MTMR3: variants seen among roughly 807,000 people sequenced by gnomAD.
The protein encoded by MTMR3 is myotubularin related protein 3.
In MTMR3, 32 loss-of-function variants were observed where a neutral mutation model predicts 132.4. The observed-to-expected ratio is 0.24, with a 90% CI of 0.18 to 0.32. The LOEUF (loss-of-function observed/expected upper bound fraction) is 0.32. Ranked by LOEUF, MTMR3 falls within the 10% of genes least tolerant of loss-of-function variation. The pLI, the probability that MTMR3 is intolerant of heterozygous loss-of-function variation, is 1.00. For missense variants in MTMR3, 1,216 were observed against 1,489.6 expected (o/e 0.82, Z 3.02); for synonymous variants, 556 against 550.3 (o/e 1.01, Z -0.14).
intron 8 of MTMR3, chr22:30,001,292 G>C (rs2067167442): frequency 6.6e-6 from 1 of 152,376 alleles, no homozygotes; most frequent in Admixed American, 6.5e-5. Context: ...TCAGGAGACT[G>C]AGGCAGGAGA....
intron 10 of MTMR3, 126 bp downstream of exon 10, chr22:30,007,445 A>C (rs2067296272): frequency 4.3e-6 from 4 of 938,956 alleles, no homozygotes; most frequent in Non-Finnish European, 6.4e-6. Flanking sequence ...GCTTCACTTG[A>C]TGGGATTGAT....
At chr22:29,996,067 G>A (rs577420484) in intron 7 of MTMR3, 1 of 152,358 alleles carries the variant, frequency 6.6e-6, no homozygotes, top group African/African-American at 2.4e-5. Flanking sequence ...AAGAGGCTGA[G>A]GTGGGAAGAT....
chr22:29,942,410 G>C (rs2065873806), intron 1 of MTMR3, among the ~76,000 whole-genome samples: 1 of 152,152 alleles, frequency 6.6e-6, no homozygotes, highest in Non-Finnish European at 1.5e-5. Flanking sequence ...CAGGACCGGG[G>C]CAAAATTAAA....
intron 1 of MTMR3, among the ~76,000 whole-genome samples, chr22:29,938,072 A>C (rs2065785092): frequency 6.6e-6 from 1 of 152,194 alleles, no homozygotes; most frequent in African/African-American, 2.4e-5. Flanking sequence ...CCAGCATGGC[A>C]CTGGATTTGA....
At chr22:29,896,047 C>T (rs746678938) in intron 1 of MTMR3, among the ~76,000 whole-genome samples, 4 of 152,176 alleles carry the variant, frequency 2.6e-5, no homozygotes, top group Non-Finnish European at 2.9e-5. Flanking sequence ...TGGTAGCCCA[C>T]GCCTGTATTC....
chr22:30,020,392 A>C lies in MTMR3; in HGVS notation c.2733A>C (p.Thr911=), dbSNP rs1326547398. The C allele has an allele frequency of 3.7e-6, 6 of 1,614,086 alleles. No individual in the cohort carries two copies. Residue 911 remains threonine (T), a synonymous_variant, in exon 17 of 20, where the codon ACA becomes ACC. Transcript: ENST00000401950. ...RTSLGSTLSL[T]RSPCALPLAE... ...CCCTTGGCAGCACTCTCAGCCTGAC[A>C]CGTTCCCCTTGTGCCTTGCCTTTAG... is the stretch of plus-strand genomic sequence containing the variant.
chr22:29,904,820 TTG>T (rs58144404), intron 1 of MTMR3, among the ~76,000 whole-genome samples: 53,410 of 150,636 alleles, frequency 0.35, 10,291 homozygotes, highest in East Asian at 0.71. Context: ...TGTGTGTGTG[TTG>T]TGTGTGTGTG....
chr22:29,955,959 C>A (rs186581552), intron 1 of MTMR3, among the ~76,000 whole-genome samples: 546 of 152,158 alleles, frequency 3.6e-3, no homozygotes, highest in African/African-American at 0.012. Flanking sequence ...GCTGTGTTGG[C>A]CAGGCTGGTC....
At chr22:29,888,398 T>C (rs755803199) in intron 1 of MTMR3, among the ~76,000 whole-genome samples, 1 of 152,098 alleles carries the variant, frequency 6.6e-6, no homozygotes, top group Non-Finnish European at 1.5e-5. Flanking sequence ...TCGTCGTTGT[T>C]TGGGGACATA....
chr22:29,957,464 T>C lies in MTMR3; in HGVS notation c.-85+376T>C, dbSNP rs142576370. On this transcript the variant is annotated intron_variant, in intron 2 of 19. Transcript: ENST00000401950. Reference sequence around the variant, plus strand: ...TTATTTATTTATTTATTTATTGATATATTTTTTGAGACAGTCTTGCTGTGT... The same window carrying C: ...TTATTTATTTATTTATTTATTGATACATTTTTTGAGACAGTCTTGCTGTGT... 1.4e-3 allele frequency among the ~76,000 whole-genome samples: 216 copies of C among 149,950 alleles called. 1 individual carries two copies. Among genetic ancestry groups the C allele is most frequent in the African/African-American group, 5.1e-3 (208 of 40,924 alleles).
chr22:29,980,537 G>T (rs748964507), intron 5 of MTMR3: 3 of 152,236 alleles, frequency 2.0e-5, no homozygotes, highest in Non-Finnish European at 4.4e-5. Context: ...ACCAGCTACT[G>T]TGGAAGTAAT....
chr22:30,026,042 G>T lies in MTMR3; in HGVS notation c.*241G>T. 2 of 437,674 alleles carry T rather than the reference G, an allele frequency of 4.6e-6. No homozygotes were observed. The highest frequency in any genetic ancestry group is 5.2e-5 in the South Asian group (1 of 19,124). The allele number at this position is 437,674 out of a possible 1,614,324, so 27.1% of individuals were successfully genotyped here. On this transcript the variant is annotated 3_prime_UTR_variant, in exon 20 of 20. Transcript: ENST00000401950. ...CAAAAAAGGAAACTTTCCCTTGGTT[G>T]TCTTAATTTTTTTTTTTTTTGATGG... is the stretch of plus-strand genomic sequence containing the variant.
At chr22:29,942,520 G>A (rs1602524931) in intron 1 of MTMR3, among the ~76,000 whole-genome samples, 2 of 152,110 alleles carry the variant, frequency 1.3e-5, no homozygotes, top group African/African-American at 4.8e-5. Context: ...TTTATTAGGC[G>A]GGAATTTCCT....
At chr22:29,939,685 A>T (rs1309181675) in intron 1 of MTMR3, among the ~76,000 whole-genome samples, 1 of 152,190 alleles carries the variant, frequency 6.6e-6, no homozygotes, top group African/African-American at 2.4e-5. Context: ...ATTGGCGTAG[A>T]CTTTCAGATG....
intron 17 of MTMR3, chr22:30,021,441 G>A (rs1281312887): frequency 6.4e-6 from 1 of 155,738 alleles, no homozygotes; most frequent in African/African-American, 2.5e-5. Flanking sequence ...GGCTGGAAAT[G>A]GGGGTTCCAG....
intron 1 of MTMR3, among the ~76,000 whole-genome samples, chr22:29,922,064 T>C (rs2065427617): frequency 6.6e-6 from 1 of 151,720 alleles, no homozygotes; most frequent in Admixed American, 6.6e-5. Flanking sequence ...TTTGCCCTTG[T>C]CACCCAGGCT....
intron 1 of MTMR3, among the ~76,000 whole-genome samples, chr22:29,906,331 TC>T (rs2065102558): frequency 3.2e-5 from 4 of 123,484 alleles, no homozygotes; most frequent in Admixed American, 2.3e-4. Context: ...TATCTATCTA[TC>T]TGTCTATCTA....
chr22:29,951,105 C>T lies in MTMR3; in HGVS notation c.-137-5931C>T, dbSNP rs527442388. ...GGCAGAGGTTGCAGTGAGCCAAGAT[C>T]GCGCCATTGCACTCCAGCCTGGCCA... On this transcript the variant is annotated intron_variant, in intron 1 of 19. Transcript: ENST00000401950. 4.5e-3 allele frequency among the ~76,000 whole-genome samples: 680 copies of T among 151,962 alleles called. 6 individuals are homozygous for T. The highest frequency in any genetic ancestry group is 0.015 in the African/African-American group (641 of 41,430).
chr22:29,939,965 G>A (rs2065824660), intron 1 of MTMR3, among the ~76,000 whole-genome samples: 1 of 152,164 alleles, frequency 6.6e-6, no homozygotes, highest in Non-Finnish European at 1.5e-5. Flanking sequence ...TTGCGATCAT[G>A]TACTTTGTGA....
Sources: gnomAD v4.1 joint callset for allele counts (sites outside exome capture counted in the v4.1 genomes callset) on GRCh38, gnomAD v4.1.1 for gene constraint, MANE v1.5 for transcripts, NCBI Gene and HGNC (gene_info 2026-07-23, HGNC 2026-07-21) for gene names.